DLEU7: variants seen among roughly 807,000 people sequenced by gnomAD.
The protein encoded by DLEU7 is deleted in lymphocytic leukemia 7.
In DLEU7, 17 loss-of-function variants were observed where a neutral mutation model predicts 16.0. That is an observed-to-expected ratio of 1.06 (90% confidence interval 0.73 to 1.59). The LOEUF (loss-of-function observed/expected upper bound fraction) is 1.59. Ranked by LOEUF, DLEU7 falls within the 40% of genes most tolerant of loss-of-function variation. The pLI is 0.00. For synonymous variants in DLEU7, 113 were observed against 139.8 expected (o/e 0.81, Z 1.35); for missense variants, 308 against 314.9 (o/e 0.98, Z 0.17).
At chr13:50,766,486 T>C (rs1875114599) in intron 1 of DLEU7, among the ~76,000 whole-genome samples, 1 of 151,990 alleles carries the variant, frequency 6.6e-6, no homozygotes, top group African/African-American at 2.4e-5. Context: ...TTCCTACTCC[T>C]CCTCTTAATC....
At chr13:50,770,952 A>G (rs1007477303) in intron 1 of DLEU7, among the ~76,000 whole-genome samples, 2 of 152,048 alleles carry the variant, frequency 1.3e-5, no homozygotes, top group African/African-American at 4.8e-5. Flanking sequence ...CGAGCCTGTT[A>G]TTGGTCTATT....
chr13:50,751,746 A>AT (rs1298258085), intron 1 of DLEU7, among the ~76,000 whole-genome samples: 2 of 152,086 alleles, frequency 1.3e-5, no homozygotes, highest in East Asian at 1.9e-4. Context: ...GCCTTGAATG[A>AT]TTTTTTGTAT....
At chr13:50,793,002 G>A (rs1272394292) in intron 1 of DLEU7, among the ~76,000 whole-genome samples, 1 of 151,904 alleles carries the variant, frequency 6.6e-6, no homozygotes, top group Non-Finnish European at 1.5e-5. Context: ...CCCACAGGTA[G>A]TTTTTTTCAA....
At chr13:50,730,213 G>C (rs531043403) in intron 1 of DLEU7, among the ~76,000 whole-genome samples, 19 of 152,032 alleles carry the variant, frequency 1.2e-4, no homozygotes, top group African/African-American at 4.1e-4. Context: ...GGAAGAGGTG[G>C]AAGGGGAGGC....
intron 1 of DLEU7, among the ~76,000 whole-genome samples, chr13:50,770,604 G>C (rs9596350): frequency 0.01 from 1,599 of 152,306 alleles, 28 homozygotes; most frequent in African/African-American, 0.036. Context: ...AACCAGCCTT[G>C]CATCCCAGGG....
chr13:50,724,744 A>G (rs1197243523), intron 1 of DLEU7, among the ~76,000 whole-genome samples: 1 of 152,170 alleles, frequency 6.6e-6, no homozygotes, highest in African/African-American at 2.4e-5. Context: ...CTATCGGCCC[A>G]TCGCATCAGG....
At chr13:50,747,332 CTGTGTGTGTGTGTGTGTGTG>C (rs3039979) in intron 1 of DLEU7, among the ~76,000 whole-genome samples, 3 of 137,706 alleles carry the variant, frequency 2.2e-5, no homozygotes, top group South Asian at 2.4e-4. Context: ...AAGAAAAACT[CTGTGTGTGTGTGTGTGTGTG>C]TGTGTGTGTG....
intron 1 of DLEU7, among the ~76,000 whole-genome samples, chr13:50,756,373 C>T (rs969631828): frequency 2.6e-5 from 4 of 152,132 alleles, no homozygotes; most frequent in Admixed American, 2.0e-4. Context: ...TCAGACTCTC[C>T]TTCGATGGGT....
At chr13:50,793,986 C>T (rs969600409) in intron 1 of DLEU7, among the ~76,000 whole-genome samples, 12 of 152,092 alleles carry the variant, frequency 7.9e-5, no homozygotes, top group Non-Finnish European at 1.5e-5. Flanking sequence ...AGGTTGAGGT[C>T]TTACGTTTAA....
At chr13:50,808,807 AT>A (rs1477618291) in intron 1 of DLEU7, 2 of 152,052 alleles carry the variant, frequency 1.3e-5, no homozygotes, top group Non-Finnish European at 2.9e-5. Context: ...TAAATAAGAA[AT>A]TGCTGATATT....
At chr13:50,754,891 C>T (rs904818454) in intron 1 of DLEU7, among the ~76,000 whole-genome samples, 6 of 152,234 alleles carry the variant, frequency 3.9e-5, no homozygotes, top group Middle Eastern at 3.4e-3. Context: ...TTGGTAGTGG[C>T]GAATTCTCTC....
chr13:50,807,638 G>A (rs1174265633), intron 1 of DLEU7, among the ~76,000 whole-genome samples: 2 of 152,012 alleles, frequency 1.3e-5, no homozygotes, highest in Non-Finnish European at 2.9e-5. Flanking sequence ...CTATTGTAAG[G>A]GGAAGAAAGA....
chr13:50,749,305 T>C (rs1356527302), intron 1 of DLEU7, among the ~76,000 whole-genome samples: 2 of 152,104 alleles, frequency 1.3e-5, no homozygotes, highest in African/African-American at 2.4e-5. Flanking sequence ...GATGTAGATA[T>C]ATATCTCACA....
chr13:50,773,164 C>T (rs1053735189), intron 1 of DLEU7, among the ~76,000 whole-genome samples: 1 of 152,124 alleles, frequency 6.6e-6, no homozygotes, highest in Non-Finnish European at 1.5e-5. Flanking sequence ...GTTAGCCATT[C>T]GTCTAATCTT....
At chr13:50,784,288 G>C (rs1046208585) in intron 1 of DLEU7, among the ~76,000 whole-genome samples, 4 of 152,168 alleles carry the variant, frequency 2.6e-5, no homozygotes, top group Non-Finnish European at 4.4e-5. Flanking sequence ...CTACAGACCA[G>C]GTATTTTTCA....
At chr13:50,755,862 A>G (rs1435334954) in intron 1 of DLEU7, among the ~76,000 whole-genome samples, 4 of 152,126 alleles carry the variant, frequency 2.6e-5, no homozygotes, top group Admixed American at 2.6e-4. Flanking sequence ...GGCAAGGTCT[A>G]GGGCTGAAGG....
chr13:50,765,353 C>A (rs187528364), intron 1 of DLEU7, among the ~76,000 whole-genome samples: 1 of 151,572 alleles, frequency 6.6e-6, no homozygotes, highest in African/African-American at 2.4e-5. Context: ...CTTTAGAAAG[C>A]GAAGCCTGAA....
At chr13:50,811,333 A>G (rs1230122016) in intron 1 of DLEU7, among the ~76,000 whole-genome samples, 1 of 152,156 alleles carries the variant, frequency 6.6e-6, no homozygotes, top group African/African-American at 2.4e-5. Flanking sequence ...AAGAACACCA[A>G]GAAGAAGGAG....
intron 1 of DLEU7, among the ~76,000 whole-genome samples, chr13:50,771,625 G>A (rs1355445609): frequency 2.0e-5 from 3 of 152,326 alleles, no homozygotes; most frequent in Non-Finnish European, 4.4e-5. Flanking sequence ...TGTGGTCTGA[G>A]AGACAGTTTG....
Sources: allele counts gnomAD v4.1 joint callset (sites outside exome capture counted in the v4.1 genomes callset), GRCh38; gene constraint gnomAD v4.1.1; transcripts MANE v1.5; gene names NCBI Gene and HGNC (gene_info 2026-07-23, HGNC 2026-07-21).